Variants in EXO5 observed in about 807,000 individuals in gnomAD.
The protein encoded by EXO5 is exonuclease V.
In EXO5, 11 loss-of-function variants were observed where a neutral mutation model predicts 17.8. The observed-to-expected ratio is 0.62, with a 90% CI of 0.39 to 1.02. The LOEUF is 1.02. Ranked by LOEUF, EXO5 falls within the 50% of genes least tolerant of loss-of-function variation. The pLI, the probability that EXO5 is intolerant of heterozygous loss-of-function variation, is 0.00. For missense variants in EXO5, 364 were observed against 434.8 expected (o/e 0.84, Z 1.45); for synonymous variants, 147 against 166.5 (o/e 0.88, Z 0.90).
At chr1:40,511,458 T>C (rs906752881) in intron 3 of EXO5, among the ~76,000 whole-genome samples, 3 of 152,184 alleles carry the variant, frequency 2.0e-5, no homozygotes, top group African/African-American at 7.2e-5. Flanking sequence ...TAGGATACTC[T>C]ATAAGCAAAA....
At position 40,514,893 on chromosome 1, in the gene EXO5, G is replaced by A. The variant is rs775933877; in HGVS notation, c.349G>A (p.Gly117Ser). 1.2e-6 allele frequency: 2 copies of A among 1,614,146 alleles called. No individual in the cohort carries two copies. The highest frequency in any genetic ancestry group is 2.2e-5 in the South Asian group (2 of 91,082). Reference sequence around the variant, plus strand: ...TGAGAAGGCAGCTGTGTTGGACACTGGTGCCAGCATACACCTAGCTAGAGA... The same window carrying A: ...TGAGAAGGCAGCTGTGTTGGACACTAGTGCCAGCATACACCTAGCTAGAGA... ...APEKAAVLDT[G>S]ASIHLARELE... The change falls in exon 4 of 4, where the codon GGT becomes AGT. Residue 117 changes from glycine to serine, a missense_variant. Transcript: ENST00000415550.
Position 40,515,780 on chromosome 1 carries a change from T to C in EXO5, c.*114T>C. On this transcript the variant is annotated 3_prime_UTR_variant, in exon 4 of 4. Coordinates refer to ENST00000415550, the MANE Select transcript of EXO5 (RefSeq NM_001346953.2). Reference sequence around the variant, plus strand: ...GGAGAGTGTTCTTATTTTGGTTCTTTTTTTTATTTCCACAACCTCTAACCA... The same window carrying C: ...GGAGAGTGTTCTTATTTTGGTTCTTCTTTTTATTTCCACAACCTCTAACCA... 8.3e-7 allele frequency: 1 copy of C among 1,206,600 alleles called. No homozygotes were observed. Among genetic ancestry groups the C allele is most frequent in the Non-Finnish European group, 1.1e-6 (1 of 869,998 alleles). 74.7% of individuals were successfully genotyped at this position (1,206,600 alleles called of 1,614,324 possible).
At position 40,515,160 on chromosome 1, in the gene EXO5, C is replaced by A; in HGVS notation, c.616C>A (p.Pro206Thr). ...CAAGACACGCAGGCGCCCTATGCTC[C>A]CTCTGGAAGCTCAGAAGAAGAAAGA... ...ELKTRRRPML[P>T]LEAQKKKDCF... Residue 206 changes from proline to threonine, a missense_variant, in exon 4 of 4, where the codon CCT (proline) becomes ACT (threonine). Physicochemically the swap from Pro to Thr is conservative, Grantham distance 38 (BLOSUM62 -1). Coordinates refer to ENST00000415550, the MANE Select transcript of EXO5 (RefSeq NM_001346953.2). The A allele has an allele frequency of 6.2e-7, 1 of 1,614,076 alleles. No homozygotes were observed. The highest frequency in any genetic ancestry group is 8.5e-7 in the Non-Finnish European group (1 of 1,180,014).
chr1:40,515,295 G>A lies in EXO5; in HGVS notation c.751G>A (p.Gly251Arg), dbSNP rs763936008. 1.2e-5 allele frequency: 20 copies of A among 1,613,974 alleles called. No individual in the cohort carries two copies. Among genetic ancestry groups the A allele is most frequent in the Non-Finnish European group, 1.7e-5 (20 of 1,180,030 alleles). Residue 251 changes from glycine (G) to arginine (R), a missense_variant, in exon 4 of 4, where the codon GGG becomes AGG. By Grantham distance (125) the Gly-to-Arg change is moderately radical. Coordinates refer to ENST00000415550, the MANE Select transcript of EXO5 (RefSeq NM_001346953.2). ...HTKLCLEKPL[G>R]PSVLRHAQQG... Reference sequence around the variant, plus strand: ...AAAGTTGTGTCTAGAAAAGCCACTGGGGCCATCAGTGCTGAGGCATGCCCA... The same window carrying A: ...AAAGTTGTGTCTAGAAAAGCCACTGAGGCCATCAGTGCTGAGGCATGCCCA...
At position 40,514,878 on chromosome 1, in the gene EXO5, G is replaced by C; in HGVS notation, c.334G>C (p.Ala112Pro). Residue 112 changes from alanine (A) to proline (P), a missense_variant, in exon 4 of 4, where the codon GCT becomes CCT. Transcript: ENST00000415550. ...LPGFLAPEKAAVLDTGASIHL... is the reference protein window; with the variant it reads ...LPGFLAPEKAPVLDTGASIHL... The stretch of plus-strand genomic sequence containing the variant: ...TGGTTTCTTGGCACCTGAGAAGGCA[G>C]CTGTGTTGGACACTGGTGCCAGCAT... The C allele has an allele frequency of 1.2e-6, 2 of 1,614,050 alleles. No individual in the cohort carries two copies. The highest frequency in any genetic ancestry group is 1.7e-6 in the Non-Finnish European group (2 of 1,179,914).
At chr1:40,511,144 A>G (rs1570074243) in intron 3 of EXO5, among the ~76,000 whole-genome samples, 1 of 152,218 alleles carries the variant, frequency 6.6e-6, no homozygotes, top group African/African-American at 2.4e-5. Flanking sequence ...CTGAGGCAGG[A>G]GAATGGCGTG....
At chr1:40,511,159 C>T (rs956958598) in intron 3 of EXO5, among the ~76,000 whole-genome samples, 11 of 152,086 alleles carry the variant, frequency 7.2e-5, no homozygotes, top group African/African-American at 1.4e-4. Flanking sequence ...GGCGTGAACC[C>T]GGGAGGCAGA....
chr1:40,509,854 C>T (rs1266748241), intron 3 of EXO5, 64 bp downstream of exon 3: 2 of 152,216 alleles, frequency 1.3e-5, no homozygotes, highest in Non-Finnish European at 2.9e-5. Context: ...TACACTCTCT[C>T]ATCTCTTCCT....
chr1:40,513,421 G>C (rs534117642), intron 3 of EXO5, among the ~76,000 whole-genome samples: 1 of 152,174 alleles, frequency 6.6e-6, no homozygotes, highest in Admixed American at 6.6e-5. Context: ...GATTCATTTT[G>C]CTCGTCAAGG....
At chr1:40,514,360 C>T in intron 3 of EXO5, 155 bp from the exon 4 acceptor site, 1 of 583,826 alleles carries the variant, frequency 1.7e-6, no homozygotes, top group East Asian at 3.0e-5. Flanking sequence ...TGGACTATAA[C>T]TCAAGGCATT....
Position 40,515,887 on chromosome 1 carries a change from G to A in EXO5, c.*221G>A, listed in dbSNP as rs572756226. 4.3e-6 allele frequency: 2 copies of A among 462,634 alleles called. No individual in the cohort carries two copies. The highest frequency in any genetic ancestry group is 7.8e-5 in the Admixed American group (2 of 25,578). The allele number at this position is 462,634 out of a possible 1,614,324, so 28.7% of individuals were successfully genotyped here. A position where few individuals can be genotyped will look rare whatever the true frequency, so the allele number is the denominator to read the frequency against. Reference sequence around the variant, plus strand: ...CTGGAGCTTCATCATGATTGCCTGAGAAGACAGATGCTCATCATGGCTGGA... The same window carrying A: ...CTGGAGCTTCATCATGATTGCCTGAAAAGACAGATGCTCATCATGGCTGGA... On this transcript the variant is annotated 3_prime_UTR_variant, in exon 4 of 4. Coordinates refer to ENST00000415550, the MANE Select transcript of EXO5 (RefSeq NM_001346953.2).
chr1:40,512,782 T>C (rs146746861), intron 3 of EXO5, among the ~76,000 whole-genome samples: 6 of 152,238 alleles, frequency 3.9e-5, no homozygotes, highest in African/African-American at 1.4e-4. Context: ...TTTGTATTTT[T>C]AGTTTCACCA....
chr1:40,515,826 C>T lies in EXO5; in HGVS notation c.*160C>T. On this transcript the variant is annotated 3_prime_UTR_variant, in exon 4 of 4. Transcript: ENST00000415550. ...AACCACATTCAGTCCAGGACCAAGG[C>T]TCAGGGATGAGTGGGAGAGATGGGT... 2 of 710,820 alleles carry T rather than the reference C, an allele frequency of 2.8e-6. No homozygotes were observed. The highest frequency in any genetic ancestry group is 4.0e-5 in the South Asian group (2 of 50,108). The allele number at this position is 710,820 out of a possible 1,614,324, so 44.0% of individuals were successfully genotyped here. A position where few individuals can be genotyped will look rare whatever the true frequency, so the allele number is the denominator to read the frequency against.
At chr1:40,514,424 G>T in intron 3 of EXO5, 91 bp from the exon 4 acceptor site, 1 of 995,644 alleles carries the variant, frequency 1.0e-6, no homozygotes, top group Non-Finnish European at 1.5e-6. Flanking sequence ...TAAATAATTT[G>T]TCATAATTTT....
chr1:40,509,405 G>C (rs1645729713), intron 1 of EXO5, 46 bp from the exon 2 acceptor site: 1 of 152,342 alleles, frequency 6.6e-6, no homozygotes, highest in Admixed American at 6.5e-5. Context: ...AACTGATCTC[G>C]GAGCTCCTTG....
Position 40,509,563 on chromosome 1 carries a change from G to A in EXO5, c.-151G>A, listed in dbSNP as rs1645733082. On this transcript the variant is annotated 5_prime_UTR_variant, in exon 2 of 4. Transcript: ENST00000415550. ...CGTTATGTAACCTAGGATCTGGGGT[G>A]GGTAACAGTCTGTGCAGTGTCAATG... is the stretch of plus-strand genomic sequence containing the variant. 6.6e-6 allele frequency: 1 copy of A among 152,324 alleles called. No individual in the cohort carries two copies. The highest frequency in any genetic ancestry group is 2.1e-4 in the South Asian group (1 of 4,834). 9.4% of individuals were successfully genotyped at this position (152,324 alleles called of 1,614,324 possible). A position where few individuals can be genotyped will look rare whatever the true frequency, so the allele number is the denominator to read the frequency against.
intron 3 of EXO5, among the ~76,000 whole-genome samples, chr1:40,513,681 C>T (rs1418447041): frequency 2.6e-5 from 4 of 151,624 alleles, no homozygotes; most frequent in African/African-American, 7.3e-5. Flanking sequence ...CTTCCATCTC[C>T]CTGTTCAAGC....
chr1:40,510,656 T>C (rs1645757612), intron 3 of EXO5, among the ~76,000 whole-genome samples: 1 of 152,246 alleles, frequency 6.6e-6, no homozygotes, highest in Non-Finnish European at 1.5e-5. Flanking sequence ...CTCTATGCTG[T>C]TCAGTAGAGC....
Position 40,515,404 on chromosome 1 carries a change from T to C in EXO5, c.860T>C (p.Ile287Thr), listed in dbSNP as rs778125898. 6.8e-6 allele frequency: 11 copies of C among 1,614,024 alleles called. No homozygotes were observed. In the South Asian group the frequency reaches 1.1e-4, roughly 16 times the overall value. ...CTAACACTGTCAGACCTCCCAGTTA[T>C]TGATATCTTGAAGATTGAGTATATC... Reference protein sequence around the residue: ...LSLTLSDLPVIDILKIEYIHQ... With the variant: ...LSLTLSDLPVTDILKIEYIHQ... Residue 287 changes from isoleucine (I) to threonine (T), a missense_variant, in exon 4 of 4, where the codon ATT (isoleucine) becomes ACT (threonine). Coordinates refer to ENST00000415550, the MANE Select transcript of EXO5 (RefSeq NM_001346953.2).
Sources: allele counts gnomAD v4.1 joint callset (sites outside exome capture counted in the v4.1 genomes callset), GRCh38; gene constraint gnomAD v4.1.1; transcripts MANE v1.5; gene names NCBI Gene and HGNC (gene_info 2026-07-23, HGNC 2026-07-21).